The following IL4I1 variants were observed in gnomAD, a reference collection of about 807,000 sequenced individuals.
The protein encoded by IL4I1 is interleukin 4 induced 1.
A neutral mutation model predicts 29.7 loss-of-function variants in IL4I1; 24 were observed. That is an observed-to-expected ratio of 0.81 (90% CI 0.59 to 1.14). The LOEUF is 1.14. Among genes scored for constraint, IL4I1 ranks in the 50% most tolerant of loss-of-function variants. The pLI, the probability that IL4I1 is intolerant of heterozygous loss-of-function variation, is 0.00. For missense variants in IL4I1, 686 were observed against 785.6 expected, an observed-to-expected ratio of 0.87 and a Z score of 1.52; for synonymous variants, 371 against 352.5, an observed-to-expected ratio of 1.05 and a Z score of -0.59.
At chr19:49,903,298 C>T (rs1474321592) in intron 3 of IL4I1, among the ~76,000 whole-genome samples, 1 of 152,180 alleles carries the variant, frequency 6.6e-6, no homozygotes. Context: ...GCAGCGCACC[C>T]GGTCTGCTTC....
At chr19:49,919,943 T>C (rs77953462) in intron 2 of IL4I1, among the ~76,000 whole-genome samples, 2 of 152,302 alleles carry the variant, frequency 1.3e-5, no homozygotes, top group East Asian at 1.9e-4. Context: ...TTTTTTTTTT[T>C]CTAAGACAAG....
chr19:49,891,656 G>A (rs1262483462), intron 5 of IL4I1, among the ~76,000 whole-genome samples, 183 bp from the exon 6 acceptor site: 3 of 152,224 alleles, frequency 2.0e-5, no homozygotes, highest in Admixed American at 6.5e-5. Context: ...CAACTCAGAT[G>A]CCACTGCTCC....
rs553963632 is a variant in IL4I1 at position 49,921,229 on chromosome 19, G to A, written c.-228+6465C>T. 1.3e-5 allele frequency among the ~76,000 whole-genome samples: 2 copies of A among 152,248 alleles called. No individual in the cohort carries two copies. The highest frequency in any genetic ancestry group is 3.9e-4 in the East Asian group (2 of 5,176). On this transcript the variant is annotated intron_variant, in intron 2 of 9. Transcript: ENST00000341114. This position sits in a 1 kb window ranked among gnomAD's most constrained non-coding sequence, Gnocchi z 5.4. ...TATAAATGAGCAAACTGAGAAAGGG[G>A]AGAGGACTTCAGTCACCTGCGTAAA...
At chr19:49,909,992 A>C (rs1311690891) in intron 2 of IL4I1, 1 of 695,880 alleles carries the variant, frequency 1.4e-6, no homozygotes, top group African/African-American at 1.8e-5. Flanking sequence ...ATAATGATGC[A>C]TGCTGTGTAA....
chr19:49,912,876 A>G (rs530745319), intron 2 of IL4I1: 1 of 152,368 alleles, frequency 6.6e-6, no homozygotes, highest in East Asian at 1.9e-4. Context: ...AAAAAGAAAG[A>G]AAGGAGACCT....
chr19:49,901,646 C>A, upstream of IL4I1: 1 of 1,523,946 alleles, frequency 6.6e-7, no homozygotes. Context: ...CACTGCATGG[C>A]TGCCTCTGGG....
intron 3 of IL4I1, among the ~76,000 whole-genome samples, chr19:49,902,446 G>A (rs779148230): frequency 4.0e-5 from 6 of 148,572 alleles, no homozygotes; most frequent in South Asian, 2.1e-4. Flanking sequence ...TGCAAGCTCC[G>A]GATGGCAGCC....
Position 49,891,411 on chromosome 19 carries a change from C to T in IL4I1, c.630G>A (p.Thr210=), listed in dbSNP as rs369542657. 3 of 1,613,910 alleles carry T rather than the reference C, an allele frequency of 1.9e-6. No homozygotes were observed. Among genetic ancestry groups the T allele is most frequent in the East Asian group, 2.2e-5 (1 of 44,890 alleles). Reference sequence around the variant, plus strand: ...AACCAAGATCCCCACTTACCAAGAGCGTGTGCCTTTCAAACTTCTTCATCG... The same window carrying T: ...AACCAAGATCCCCACTTACCAAGAGTGTGTGCCTTTCAAACTTCTTCATCG... ...RKAMKKFERH[T]LLEYLLGEGN... is the part of the protein sequence containing the mutation. The change falls in exon 6 of 8, where the codon ACG becomes ACA. Residue 210 remains threonine (T), a synonymous_variant. Coordinates refer to ENST00000391826, the MANE Select transcript of IL4I1 (RefSeq NM_152899.2).
At position 49,924,990 on chromosome 19, in the gene IL4I1, G is replaced by C. The variant is rs181362827; in HGVS notation, c.-228+2704C>G. Among the ~76,000 whole-genome samples the C allele has an allele frequency of 3.0e-4, 46 of 152,314 alleles. 1 individual carries two copies. In the East Asian group the frequency reaches 5.6e-3, roughly 19 times the overall value. ...AAATTACCCACACCGGGCCAGGCGCGGTGGTTCACGCCTGTAATACCAGCA... is the reference window on the plus strand; with the variant it reads ...AAATTACCCACACCGGGCCAGGCGCCGTGGTTCACGCCTGTAATACCAGCA... On this transcript the variant is annotated intron_variant, in intron 2 of 9. Coordinates refer to the IL4I1 transcript ENST00000341114.
intron 2 of IL4I1, among the ~76,000 whole-genome samples, chr19:49,924,779 G>A (rs1163222085): frequency 6.6e-6 from 1 of 152,198 alleles, no homozygotes; most frequent in Non-Finnish European, 1.5e-5. Flanking sequence ...GTGCCAACTG[G>A]CACCCACTCA....
chr19:49,915,897 G>A (rs1319005345), intron 2 of IL4I1, among the ~76,000 whole-genome samples: 16 of 152,234 alleles, frequency 1.1e-4, no homozygotes, highest in Non-Finnish European at 1.9e-4. Flanking sequence ...GGTTGCCTCC[G>A]AACACAGAGG....
At chr19:49,922,487 T>G (rs979326711) in intron 2 of IL4I1, among the ~76,000 whole-genome samples, 2 of 151,920 alleles carry the variant, frequency 1.3e-5, no homozygotes, top group African/African-American at 4.8e-5. Context: ...TCCGTCTCAC[T>G]GCTTGTAAAG....
chr19:49,924,866 G>A (rs1428098597), intron 2 of IL4I1, among the ~76,000 whole-genome samples: 3 of 152,196 alleles, frequency 2.0e-5, no homozygotes, highest in South Asian at 4.1e-4. Flanking sequence ...GCGGCAAAAC[G>A]GTGGGGAGGG....
At chr19:49,928,494 G>A (rs2075966235) in intron 1 of IL4I1, 1 of 150,248 alleles carries the variant, frequency 6.7e-6, no homozygotes, top group African/African-American at 2.4e-5. Context: ...TCCAGCCTGG[G>A]CGACAGAGAC....
chr19:49,890,595 C>T lies in IL4I1; in HGVS notation c.779G>A (p.Ser260Asn), dbSNP rs764135764. 1.3e-6 allele frequency: 2 copies of T among 1,551,982 alleles called. No homozygotes were observed. The highest frequency in any genetic ancestry group is 1.4e-5 in the African/African-American group (1 of 73,968). ...HSCLSDRLQYSRIVGGWDLLP... is the reference protein window; with the variant it reads ...HSCLSDRLQYNRIVGGWDLLP... ...CAGGTCCCAGCCACCCACGATGCGGCTGTACCTGCAGGCGGGGCGGGGCGG... is the reference window on the plus strand; with the variant it reads ...CAGGTCCCAGCCACCCACGATGCGGTTGTACCTGCAGGCGGGGCGGGGCGG... The change falls in exon 8 of 8, where the codon AGC becomes AAC. Residue 260 changes from serine to asparagine, a missense_variant. Coordinates refer to ENST00000391826, the MANE Select transcript of IL4I1 (RefSeq NM_152899.2).
In IL4I1 at chr19:49,921,592, G is replaced by A. The variant is rs2075766578; in HGVS notation, c.-228+6102C>T. ...GCTCTGTGGTAGGTCAGGAAGAAGAGGGCAAAGGAGTCTGCATCAAACTGG... is the reference window on the plus strand; with the variant it reads ...GCTCTGTGGTAGGTCAGGAAGAAGAAGGCAAAGGAGTCTGCATCAAACTGG... On this transcript the variant is annotated intron_variant, in intron 2 of 9. Transcript: ENST00000341114. The surrounding 1 kb of genome is among the most constrained non-coding windows in gnomAD (Gnocchi z 5.4). 6.6e-6 allele frequency among the ~76,000 whole-genome samples: 1 copy of A among 152,202 alleles called. No homozygotes were observed. The highest frequency in any genetic ancestry group is 2.4e-5 in the African/African-American group (1 of 41,454).
rs1053590489 is a variant in IL4I1, at chr19:49,912,201, G to A, written c.-227-7880C>T. 9.6e-4 allele frequency among the ~76,000 whole-genome samples: 124 copies of A among 129,422 alleles called. No homozygotes were observed. In the Admixed American group the frequency reaches 0.01, roughly 11 times the overall value. 84.9% of individuals were successfully genotyped at this position (129,422 alleles called of 152,430 possible). A position where few individuals can be genotyped will look rare whatever the true frequency, so the allele number is the denominator to read the frequency against. On this transcript the variant is annotated intron_variant, in intron 2 of 9. Transcript: ENST00000341114. ...TTTTTTTTTTTGAGACGGGAGTCTC[G>A]CTCTGTTGCCCAGGCTGGAGTGGAA...
At chr19:49,914,155 AAAC>A (rs2075558242) in intron 2 of IL4I1, among the ~76,000 whole-genome samples, 1 of 152,180 alleles carries the variant, frequency 6.6e-6, no homozygotes, top group Non-Finnish European at 1.5e-5. Flanking sequence ...TTGAGGCAAA[AAAC>A]AAAAAACAAA....
intron 2 of IL4I1, among the ~76,000 whole-genome samples, chr19:49,917,184 C>G (rs2075647047): frequency 6.6e-6 from 1 of 152,164 alleles, no homozygotes; most frequent in African/African-American, 2.4e-5. Flanking sequence ...AAGGGGAGAT[C>G]AGAGATGGGC....
Sources: allele counts gnomAD v4.1 joint callset (sites outside exome capture counted in the v4.1 genomes callset), GRCh38; gene constraint gnomAD v4.1.1; non-coding constraint Gnocchi (gnomAD v3.1); transcripts MANE v1.5; gene names NCBI Gene and HGNC (gene_info 2026-07-23, HGNC 2026-07-21).